The following MACROD1 variants were observed in gnomAD, a reference collection of about 807,000 sequenced individuals.
The protein encoded by MACROD1 is ADP-ribose glycohydrolase MACROD1.
Under a neutral mutation model 41.4 loss-of-function variants are expected in MACROD1, and 31 were observed. That is an observed-to-expected ratio of 0.75 (90% CI 0.56 to 1.01). The LOEUF is 1.01. MACROD1 is among the 50% of genes least tolerant of loss of function. The pLI, the probability that MACROD1 is intolerant of heterozygous loss-of-function variation, is 0.00. For synonymous variants in MACROD1, 252 were observed against 203.4 expected, an observed-to-expected ratio of 1.24 and a Z score of -2.03; for missense variants, 473 against 460.0, an observed-to-expected ratio of 1.03 and a Z score of -0.26.
intron 4 of MACROD1, among the ~76,000 whole-genome samples, chr11:64,005,707 T>C (rs1474214894): frequency 6.6e-6 from 1 of 152,224 alleles, no homozygotes; most frequent in Non-Finnish European, 1.5e-5. Flanking sequence ...GGCTCAGCCA[T>C]GGACTTCACA....
intron 3 of MACROD1, among the ~76,000 whole-genome samples, chr11:64,145,956 G>C (rs1945489710): frequency 1.3e-5 from 2 of 152,206 alleles, no homozygotes; most frequent in South Asian, 4.1e-4. Context: ...TTTTAGTAGA[G>C]ACCAGGTTTC....
chr11:64,155,683 C>T (rs373128233), intron 1 of MACROD1, among the ~76,000 whole-genome samples: 3 of 152,112 alleles, frequency 2.0e-5, no homozygotes, highest in East Asian at 1.9e-4. Context: ...ACACAGCAGC[C>T]GGAGGAACTT....
chr11:64,031,698 G>A (rs983142020), intron 3 of MACROD1, among the ~76,000 whole-genome samples: 1 of 152,054 alleles, frequency 6.6e-6, no homozygotes, highest in Admixed American at 6.6e-5. Flanking sequence ...GGCTGGTCAC[G>A]AATGGCTGAC....
At chr11:64,102,060 G>A (rs1179603685) in intron 3 of MACROD1, among the ~76,000 whole-genome samples, 1 of 152,188 alleles carries the variant, frequency 6.6e-6, no homozygotes, top group Non-Finnish European at 1.5e-5. Flanking sequence ...AACGGCCTCT[G>A]ACAACAAGCA....
intron 3 of MACROD1, chr11:64,138,397 T>C (rs556041141): frequency 5.1e-6 from 3 of 586,454 alleles, no homozygotes; most frequent in East Asian, 1.4e-4. Context: ...CCTTTGACAA[T>C]TGAAGCTGCA....
rs199827234 is a variant in MACROD1 at position 64,078,633 on chromosome 11, C to T, written c.518-63352G>A. 2.0e-5 allele frequency among the ~76,000 whole-genome samples: 3 copies of T among 152,280 alleles called. No homozygotes were observed. In the East Asian group the frequency reaches 5.8e-4, roughly 30 times the overall value. On this transcript the variant is annotated intron_variant, in intron 3 of 10. Coordinates refer to ENST00000255681, the MANE Select transcript of MACROD1 (RefSeq NM_014067.4). ...TTGCCTGGCCCTCTCCTGAGGTGAT[C>T]ATGGCTCCTGCATCCTTGTCCTACA...
chr11:64,121,348 A>C (rs538960715), intron 3 of MACROD1, among the ~76,000 whole-genome samples: 1 of 152,206 alleles, frequency 6.6e-6, no homozygotes, highest in East Asian at 1.9e-4. Context: ...GGGATCACCC[A>C]CCCACTGGCG....
chr11:64,038,943 A>G (rs1282667823), intron 3 of MACROD1, among the ~76,000 whole-genome samples: 1 of 152,112 alleles, frequency 6.6e-6, no homozygotes, highest in Non-Finnish European at 1.5e-5. Context: ...CCACGTTGAG[A>G]GGATGCGTAT....
intron 1 of MACROD1, among the ~76,000 whole-genome samples, chr11:64,155,500 T>G (rs2134716761): frequency 6.6e-6 from 1 of 152,314 alleles, no homozygotes; most frequent in Non-Finnish European, 1.5e-5. Flanking sequence ...AGGCAGGCCT[T>G]CCCTTGCTAA....
Position 64,143,749 on chromosome 11 carries a change from CACAT to C in MACROD1, c.517+7486_517+7489del, listed in dbSNP as rs199987280. ...ATTCCCTTCCCCCAACCCCGACACACACATACACACACACACACACACACACACA... is the reference window on the plus strand; with the variant it reads ...ATTCCCTTCCCCCAACCCCGACACACACACACACACACACACACACACACA... On this transcript the variant is annotated intron_variant, in intron 3 of 10. Coordinates refer to ENST00000255681, the MANE Select transcript of MACROD1 (RefSeq NM_014067.4). Among the ~76,000 whole-genome samples the C allele has an allele frequency of 1.4e-3, 127 of 92,282 alleles. 3 individuals are homozygous for C. The highest frequency in any genetic ancestry group is 4.3e-3 in the South Asian group (14 of 3,232). The allele number at this position is 92,282 out of a possible 152,430, so 60.5% of individuals were successfully genotyped here.
chr11:64,137,650 G>A (rs1323139002), intron 3 of MACROD1, among the ~76,000 whole-genome samples: 2 of 152,186 alleles, frequency 1.3e-5, no homozygotes, highest in African/African-American at 4.8e-5. Flanking sequence ...GCCATCGAGA[G>A]TGTAAACTAC....
rs1379415722 is a variant in MACROD1, at chr11:64,153,285, C to G, written c.299-892G>C. On this transcript the variant is annotated intron_variant, in intron 1 of 10. Coordinates refer to ENST00000255681, the MANE Select transcript of MACROD1 (RefSeq NM_014067.4). Reference sequence around the variant, plus strand: ...CCGCCTGCACACCCAGGCGCTCAGCCCAGCCTGGCACCCTGGACCACAGGC... The same window carrying G: ...CCGCCTGCACACCCAGGCGCTCAGCGCAGCCTGGCACCCTGGACCACAGGC... 3.3e-5 allele frequency among the ~76,000 whole-genome samples: 5 copies of G among 152,326 alleles called. No homozygotes were observed. The East Asian group carries it at 9.7e-4, about 29-fold the overall frequency.
At chr11:64,013,577 C>T (rs1943043291) in intron 4 of MACROD1, among the ~76,000 whole-genome samples, 1 of 152,144 alleles carries the variant, frequency 6.6e-6, no homozygotes. Context: ...AGGAACTTGG[C>T]CTAGGCCCTG....
intron 3 of MACROD1, among the ~76,000 whole-genome samples, chr11:64,123,526 C>T (rs1945131836): frequency 1.9e-5 from 1 of 52,906 alleles, no homozygotes; most frequent in Non-Finnish European, 3.6e-5. Context: ...TTCTGGGCCT[C>T]GATGGGTGGG....
chr11:64,161,537 C>T (rs949264594), intron 1 of MACROD1, among the ~76,000 whole-genome samples: 17 of 152,202 alleles, frequency 1.1e-4, no homozygotes, highest in African/African-American at 3.4e-4. Flanking sequence ...TTGAATGTAA[C>T]GATGAAAAGT....
intron 1 of MACROD1, among the ~76,000 whole-genome samples, chr11:64,160,682 G>T (rs900306512): frequency 1.3e-5 from 2 of 152,044 alleles, no homozygotes; most frequent in South Asian, 4.2e-4. Flanking sequence ...CAGGCATGGT[G>T]GCACATGCCT....
intron 3 of MACROD1, among the ~76,000 whole-genome samples, chr11:64,099,872 G>C (rs1944641401): frequency 6.6e-6 from 1 of 151,952 alleles, no homozygotes; most frequent in African/African-American, 2.4e-5. Context: ...TGGTGAGATG[G>C]AGGGATCGAG....
At chr11:64,080,484 T>TA (rs36100348) in intron 3 of MACROD1, among the ~76,000 whole-genome samples, 1 of 152,070 alleles carries the variant, frequency 6.6e-6, no homozygotes, top group Admixed American at 6.5e-5. Context: ...TTTCATCCCC[T>TA]AAAAAGAAGC....
chr11:64,087,085 A>G (rs1272536668), intron 3 of MACROD1: 3 of 152,204 alleles, frequency 2.0e-5, no homozygotes, highest in Non-Finnish European at 4.4e-5. Flanking sequence ...GCAAAGCACA[A>G]TTAACATCCC....
Sources: gnomAD v4.1 joint callset for allele counts (sites outside exome capture counted in the v4.1 genomes callset) on GRCh38, gnomAD v4.1.1 for gene constraint, MANE v1.5 for transcripts, NCBI Gene and HGNC (gene_info 2026-07-23, HGNC 2026-07-21) for gene names.